Variants in CNTNAP2 observed in about 807,000 individuals in gnomAD.
CNTNAP2 encodes the protein contactin-associated protein-like 2.
A neutral mutation model predicts 155.2 loss-of-function variants in CNTNAP2; 98 were observed. That is an observed-to-expected ratio of 0.63 (90% CI 0.54 to 0.75). CNTNAP2 has a LOEUF of 0.75. Ranked by LOEUF, CNTNAP2 falls within the 30% of genes least tolerant of loss-of-function variation. The probability of loss-of-function intolerance (pLI) is 0.00; values close to 1 mark genes in which losing one functional copy is unlikely to be tolerated. For missense variants in CNTNAP2, 1,727 were observed against 1,688.1 expected (o/e 1.02, Z -0.40); for synonymous variants, 651 against 631.2 (o/e 1.03, Z -0.47).
chr7:148,203,522 A>G (rs1795399617), intron 18 of CNTNAP2, among the ~76,000 whole-genome samples: 1 of 152,190 alleles, frequency 6.6e-6, no homozygotes, highest in African/African-American at 2.4e-5. Context: ...AGGTGGGTGG[A>G]TCACCTGAGG....
intron 1 of CNTNAP2, among the ~76,000 whole-genome samples, chr7:146,458,794 A>G (rs1258834733): frequency 6.6e-6 from 1 of 152,132 alleles, no homozygotes. Flanking sequence ...GAAAGCCTGA[A>G]TCAAGCAAAA....
At chr7:148,055,745 G>A (rs1372524887) in intron 15 of CNTNAP2, among the ~76,000 whole-genome samples, 2 of 30,744 alleles carry the variant, frequency 6.5e-5, no homozygotes, top group Non-Finnish European at 8.4e-5. Context: ...CAGTTAAGAA[G>A]GAAAAGCATT....
At chr7:148,045,090 A>G (rs1033721724) in intron 15 of CNTNAP2, among the ~76,000 whole-genome samples, 1 of 152,142 alleles carries the variant, frequency 6.6e-6, no homozygotes, top group African/African-American at 2.4e-5. Context: ...GGTGAGACAA[A>G]GAGGAGATCA....
At chr7:147,822,436 A>G (rs1798376743) in intron 13 of CNTNAP2, among the ~76,000 whole-genome samples, 1 of 152,162 alleles carries the variant, frequency 6.6e-6, no homozygotes, top group East Asian at 1.9e-4. Flanking sequence ...AATAAATCCA[A>G]AAAGAGTCTA....
rs540310101 is a variant in CNTNAP2, at chr7:148,359,907, T to A, written c.3476-23742T>A. ...ATTATTACTTTAAACCATTTGTGGTTTGATCCTACAAATTGAGGACTTTTC... is the reference window on the plus strand; with the variant it reads ...ATTATTACTTTAAACCATTTGTGGTATGATCCTACAAATTGAGGACTTTTC... On this transcript the variant is annotated intron_variant, in intron 21 of 23. Coordinates refer to ENST00000361727, the MANE Select transcript of CNTNAP2 (RefSeq NM_014141.6). Among the ~76,000 whole-genome samples, 16 of 152,350 alleles carry A rather than the reference T, an allele frequency of 1.1e-4. 1 individual carries two copies. In the South Asian group the frequency reaches 3.3e-3, roughly 32 times the overall value.
At chr7:147,435,686 G>A (rs1415853660) in intron 10 of CNTNAP2, among the ~76,000 whole-genome samples, 1 of 152,144 alleles carries the variant, frequency 6.6e-6, no homozygotes, top group Non-Finnish European at 1.5e-5. Context: ...TAAACACGTT[G>A]GGTGTGGTGC....
At chr7:146,919,064 A>T (rs1371091521) in intron 3 of CNTNAP2, among the ~76,000 whole-genome samples, 1 of 152,120 alleles carries the variant, frequency 6.6e-6, no homozygotes, top group Non-Finnish European at 1.5e-5. Flanking sequence ...TACATACTTC[A>T]CTGGAGAGTT....
chr7:146,253,349 C>A (rs1336647497), intron 1 of CNTNAP2, among the ~76,000 whole-genome samples: 1 of 152,228 alleles, frequency 6.6e-6, no homozygotes, highest in Non-Finnish European at 1.5e-5. Flanking sequence ...CTGCCACCTG[C>A]TCTAGGAAGG....
At chr7:147,642,653 AC>A in intron 13 of CNTNAP2, among the ~76,000 whole-genome samples, 2 of 152,242 alleles carry the variant, frequency 1.3e-5, no homozygotes, top group Admixed American at 1.3e-4. Context: ...ACCTCTAGAT[AC>A]CCCTTTCACG....
chr7:146,784,584 C>A (rs953735058), intron 2 of CNTNAP2, among the ~76,000 whole-genome samples: 2 of 152,140 alleles, frequency 1.3e-5, no homozygotes, highest in African/African-American at 4.8e-5. Context: ...TGATATGGAT[C>A]TAGATTTTTC....
chr7:146,831,473 C>T (rs766491532), intron 2 of CNTNAP2, among the ~76,000 whole-genome samples: 11 of 151,776 alleles, frequency 7.2e-5, no homozygotes, highest in East Asian at 1.9e-4. Flanking sequence ...GTCGAGAGAT[C>T]GAGACCAGCT....
chr7:148,255,577 C>T lies in CNTNAP2; in HGVS notation c.3382-11456C>T, dbSNP rs144310731. 2.0e-3 allele frequency among the ~76,000 whole-genome samples: 312 copies of T among 152,232 alleles called. 2 individuals are homozygous for T. Among genetic ancestry groups the T allele is most frequent in the Non-Finnish European group, 3.8e-3 (261 of 68,008 alleles). ...ATTTTGAGAAATTTTTGATATAAAACATAAATCACCTAATAGTTTCACTAA... is the reference window on the plus strand; with the variant it reads ...ATTTTGAGAAATTTTTGATATAAAATATAAATCACCTAATAGTTTCACTAA... On this transcript the variant is annotated intron_variant, in intron 20 of 23. Coordinates refer to ENST00000361727, the MANE Select transcript of CNTNAP2 (RefSeq NM_014141.6).
At chr7:148,041,791 C>A (rs1014829074) in intron 15 of CNTNAP2, among the ~76,000 whole-genome samples, 2 of 152,138 alleles carry the variant, frequency 1.3e-5, no homozygotes, top group Non-Finnish European at 2.9e-5. Flanking sequence ...TATTGAGCAA[C>A]CCACTTTCGA....
At chr7:147,011,709 AG>A (rs1798629261) in intron 3 of CNTNAP2, among the ~76,000 whole-genome samples, 1 of 152,126 alleles carries the variant, frequency 6.6e-6, no homozygotes, top group African/African-American at 2.4e-5. Context: ...AGGAACCAGA[AG>A]CCCTTTTTCC....
chr7:147,890,371 G>A (rs973130917), intron 13 of CNTNAP2, among the ~76,000 whole-genome samples: 1 of 152,128 alleles, frequency 6.6e-6, no homozygotes, highest in Non-Finnish European at 1.5e-5. Context: ...ACAAAGAAGG[G>A]AATTCTTGTA....
intron 8 of CNTNAP2, among the ~76,000 whole-genome samples, chr7:147,185,518 A>C (rs1401015883): frequency 1.3e-5 from 2 of 152,312 alleles, no homozygotes; most frequent in East Asian, 3.9e-4. Flanking sequence ...ATGCTAAATA[A>C]ATTATGGAAT....
intron 13 of CNTNAP2, among the ~76,000 whole-genome samples, chr7:147,862,545 A>G (rs4640983): frequency 0.6 from 90,249 of 151,602 alleles, 27,118 homozygotes; most frequent in Middle Eastern, 0.7. Flanking sequence ...CCTAGGGTTG[A>G]GGTTCTTCAG....
intron 12 of CNTNAP2, among the ~76,000 whole-genome samples, chr7:147,611,465 T>A (rs1801183249): frequency 6.6e-6 from 1 of 152,186 alleles, no homozygotes; most frequent in Non-Finnish European, 1.5e-5. Flanking sequence ...GATTTTAACA[T>A]CTCTACAATG....
intron 2 of CNTNAP2, among the ~76,000 whole-genome samples, chr7:146,787,651 G>C (rs968726026): frequency 1.3e-5 from 2 of 152,218 alleles, no homozygotes; most frequent in African/African-American, 2.4e-5. Context: ...ACCTTCCCCC[G>C]CGCATGAGGG....
Sources: allele counts gnomAD v4.1 joint callset (sites outside exome capture counted in the v4.1 genomes callset), GRCh38; gene constraint gnomAD v4.1.1; transcripts MANE v1.5; gene names NCBI Gene and HGNC (gene_info 2026-07-23, HGNC 2026-07-21).